VAPA: variants seen among roughly 807,000 people sequenced by gnomAD.
VAPA encodes the protein vesicle-associated membrane protein-associated protein A.
In VAPA, 6 loss-of-function variants were observed where a neutral mutation model predicts 25.6. The ratio of observed to expected loss-of-function variants is 0.23; its 90% CI spans 0.13 to 0.46. The LOEUF (loss-of-function observed/expected upper bound fraction) is 0.46, where lower values mean the gene tolerates loss of function less well. VAPA is among the 20% of genes least tolerant of loss of function. VAPA has a pLI of 0.99. For missense variants in VAPA, 244 were observed against 302.1 expected (o/e 0.81, Z 1.43); for synonymous variants, 112 against 106.2 (o/e 1.05, Z -0.34).
intron 1 of VAPA, 134 bp downstream of exon 1, chr18:9,914,469 T>C (rs1226268276): frequency 2.8e-6 from 2 of 709,150 alleles, no homozygotes; most frequent in Admixed American, 9.0e-5. Flanking sequence ...GCGCCTTCCC[T>C]TTCCCGGCTG....
chr18:9,945,350 CTTTTTTTTT>C (rs869048248), intron 4 of VAPA, among the ~76,000 whole-genome samples: 290 of 57,302 alleles, frequency 5.1e-3, no homozygotes, highest in African/African-American at 0.021. Flanking sequence ...GGAATATACT[CTTTTTTTTT>C]TTTTTTTTTT....
intron 4 of VAPA, among the ~76,000 whole-genome samples, chr18:9,938,663 T>C (rs977070257): frequency 2.6e-5 from 4 of 152,214 alleles, no homozygotes; most frequent in Non-Finnish European, 5.9e-5. Context: ...CAAAGTACTT[T>C]AGAGAATATC....
At chr18:9,918,830 A>C (rs773728784) in intron 1 of VAPA, among the ~76,000 whole-genome samples, 3 of 152,258 alleles carry the variant, frequency 2.0e-5, no homozygotes, top group Non-Finnish European at 4.4e-5. Flanking sequence ...AATATTGCAC[A>C]GATATGATAT....
At chr18:9,920,463 T>A (rs2069147159) in intron 1 of VAPA, among the ~76,000 whole-genome samples, 1 of 152,118 alleles carries the variant, frequency 6.6e-6, no homozygotes, top group African/African-American at 2.4e-5. Context: ...CCACCATGCC[T>A]GGCTAATTTT....
intron 1 of VAPA, among the ~76,000 whole-genome samples, chr18:9,931,013 C>T (rs1346053942): frequency 6.6e-6 from 1 of 152,062 alleles, no homozygotes; most frequent in African/African-American, 2.4e-5. Context: ...TTCCAGCCTT[C>T]TAGCTTTTTT....
At chr18:9,926,989 T>C (rs965989587) in intron 1 of VAPA, among the ~76,000 whole-genome samples, 3 of 152,100 alleles carry the variant, frequency 2.0e-5, no homozygotes, top group African/African-American at 7.2e-5. Context: ...TCATGTGCAT[T>C]GTCTGTTTAT....
Position 9,950,427 on chromosome 18 carries a change from G to GAATGCATCTAAGCA in VAPA, c.452_465dup (p.Asp156MetfsTer25). On this transcript the variant is annotated frameshift_variant, in exon 5 of 6. Coordinates refer to ENST00000400000, the MANE Select transcript of VAPA (RefSeq NM_194434.3). LOFTEE classifies it high-confidence loss of function. ...TGGAACCTAGCAAAGCTGTTCCACT[G>GAATGCATCTAAGCA]AATGCATCTAAGCAAGATGGACCTA... 6.2e-7 allele frequency: 1 copy of GAATGCATCTAAGCA among 1,613,888 alleles called. No individual in the cohort carries two copies. Among genetic ancestry groups the GAATGCATCTAAGCA allele is most frequent in the Non-Finnish European group, 8.5e-7 (1 of 1,179,974 alleles).
chr18:9,918,372 A>T (rs2069129674), intron 1 of VAPA, among the ~76,000 whole-genome samples: 1 of 152,162 alleles, frequency 6.6e-6, no homozygotes, highest in African/African-American at 2.4e-5. Context: ...AAAATAGTCC[A>T]TATTCACTGT....
At chr18:9,949,313 G>C (rs2069461952) in intron 4 of VAPA, 1 of 152,158 alleles carries the variant, frequency 6.6e-6, no homozygotes, top group Non-Finnish European at 1.5e-5. Flanking sequence ...CATACATGCT[G>C]TTGTTCATTA....
At chr18:9,950,281 A>G (rs2069474923) in intron 4 of VAPA, 114 bp from the exon 5 acceptor site, 4 of 1,078,546 alleles carry the variant, frequency 3.7e-6, no homozygotes, top group Admixed American at 5.1e-5. Context: ...GTACTGATTT[A>G]GGCCTTTTAA....
At chr18:9,942,217 C>T (rs1238210385) in intron 4 of VAPA, among the ~76,000 whole-genome samples, 3 of 152,136 alleles carry the variant, frequency 2.0e-5, no homozygotes, top group Non-Finnish European at 2.9e-5. Context: ...ATTAAATGAT[C>T]ACCACAGTCA....
At chr18:9,928,481 T>G (rs2069221769) in intron 1 of VAPA, among the ~76,000 whole-genome samples, 1 of 152,116 alleles carries the variant, frequency 6.6e-6, no homozygotes, top group Non-Finnish European at 1.5e-5. Context: ...ACTTTTATGG[T>G]GGCCACTTGT....
At chr18:9,929,139 G>A (rs1038694984) in intron 1 of VAPA, among the ~76,000 whole-genome samples, 2 of 152,120 alleles carry the variant, frequency 1.3e-5, no homozygotes, top group African/African-American at 2.4e-5. Flanking sequence ...GAAGAAAAGA[G>A]TACACATTTT....
intron 2 of VAPA, among the ~76,000 whole-genome samples, chr18:9,934,480 C>G (rs1055223465): frequency 6.6e-6 from 1 of 152,218 alleles, no homozygotes; most frequent in Non-Finnish European, 1.5e-5. Flanking sequence ...TTATCCAGTA[C>G]ATTTCCTGCT....
intron 4 of VAPA, among the ~76,000 whole-genome samples, chr18:9,947,085 T>C (rs1181496993): frequency 1.3e-5 from 2 of 152,142 alleles, no homozygotes; most frequent in Non-Finnish European, 1.5e-5. Flanking sequence ...ACAGTAACAC[T>C]CATGGAGCTG....
intron 1 of VAPA, among the ~76,000 whole-genome samples, chr18:9,927,553 C>T (rs374988623): frequency 1.9e-4 from 29 of 151,588 alleles, no homozygotes; most frequent in African/African-American, 6.3e-4. Flanking sequence ...ATAAAGGTCC[C>T]GCTATTTAAA....
intron 1 of VAPA, among the ~76,000 whole-genome samples, chr18:9,923,700 T>C (rs1004315455): frequency 3.3e-5 from 5 of 152,204 alleles, no homozygotes; most frequent in African/African-American, 1.2e-4. Context: ...TCTCTTGGTC[T>C]TGTTTTCTGA....
intron 4 of VAPA, among the ~76,000 whole-genome samples, chr18:9,943,501 G>C (rs2069386731): frequency 6.6e-6 from 1 of 152,118 alleles, no homozygotes; most frequent in African/African-American, 2.4e-5. Context: ...TTGAGTTGTT[G>C]TCAGTGCTAG....
intron 4 of VAPA, among the ~76,000 whole-genome samples, chr18:9,938,256 C>CA (rs2069331197): frequency 6.6e-6 from 1 of 152,282 alleles, no homozygotes; most frequent in East Asian, 1.9e-4. Flanking sequence ...GTAATTCGGT[C>CA]AGCGTAAATC....
Sources: allele counts gnomAD v4.1 joint callset (sites outside exome capture counted in the v4.1 genomes callset), GRCh38; gene constraint gnomAD v4.1.1; transcripts MANE v1.5; gene names NCBI Gene and HGNC (gene_info 2026-07-23, HGNC 2026-07-21).